Variants in KANK4 observed in about 807,000 individuals in gnomAD.
The protein encoded by KANK4 is KN motif and ankyrin repeat domain-containing protein 4.
A neutral mutation model predicts 80.8 loss-of-function variants in KANK4; 50 were observed. The ratio of observed to expected loss-of-function variants is 0.62; its 90% CI spans 0.49 to 0.78. KANK4 has a LOEUF of 0.78. KANK4 is among the 30% of genes least tolerant of loss of function. KANK4 has a pLI of 0.00. For synonymous variants in KANK4, 465 were observed against 506.9 expected, an observed-to-expected ratio of 0.92 and a Z score of 1.11; for missense variants, 1,196 against 1,240.1, an observed-to-expected ratio of 0.96 and a Z score of 0.53.
chr1:62,249,036 T>A, intron 8 of KANK4, among the ~76,000 whole-genome samples: 1 of 147,770 alleles, frequency 6.8e-6, no homozygotes, highest in South Asian at 2.2e-4. Context: ...TAGCTAGGTA[T>A]GGTGGCGGGC....
At position 62,281,573 on chromosome 1, in the gene KANK4, C is replaced by T. The variant is rs763507735; in HGVS notation, c.-9G>A. ...CCATCTGTCTTCTCCATCTTTGGAG[C>T]GCTGACCCTCAGTGTCTCAGGCACT... On this transcript the variant is annotated 5_prime_UTR_variant, in exon 2 of 10. Transcript: ENST00000371153. 5 of 1,614,154 alleles carry T rather than the reference C, an allele frequency of 3.1e-6. No homozygotes were observed. Among genetic ancestry groups the T allele is most frequent in the East Asian group, 2.2e-5 (1 of 44,882 alleles).
At chr1:62,252,062 GT>G (rs1242929293) in intron 8 of KANK4, among the ~76,000 whole-genome samples, 5 of 152,034 alleles carry the variant, frequency 3.3e-5, no homozygotes, top group Non-Finnish European at 7.4e-5. Flanking sequence ...GGTGTCTAGA[GT>G]AACAAATGGG....
chr1:62,291,497 A>G (rs1672677851), intron 1 of KANK4, among the ~76,000 whole-genome samples: 2 of 152,238 alleles, frequency 1.3e-5, no homozygotes, highest in African/African-American at 4.8e-5. Context: ...GCTGGAGTGC[A>G]GTGGCACAAT....
chr1:62,245,815 G>T (rs562295706), intron 9 of KANK4, among the ~76,000 whole-genome samples: 26 of 152,124 alleles, frequency 1.7e-4, no homozygotes, highest in Non-Finnish European at 2.4e-4. Context: ...CAGGAACAAG[G>T]TCACTTACTG....
At chr1:62,246,580 G>T (rs770125801) in intron 9 of KANK4, among the ~76,000 whole-genome samples, 3 of 152,054 alleles carry the variant, frequency 2.0e-5, no homozygotes, top group Non-Finnish European at 4.4e-5. Flanking sequence ...CATTTACCAT[G>T]AATCATCTCA....
intron 7 of KANK4, among the ~76,000 whole-genome samples, chr1:62,261,837 A>C (rs1158077447): frequency 6.6e-6 from 1 of 152,150 alleles, no homozygotes. Flanking sequence ...TCTGCCTGGA[A>C]GACTGTCTGC....
intron 8 of KANK4, among the ~76,000 whole-genome samples, chr1:62,249,447 C>T (rs1199340578): frequency 2.0e-5 from 3 of 150,520 alleles, no homozygotes; most frequent in South Asian, 2.1e-4. Flanking sequence ...GGCATGATCG[C>T]GACTCACTGC....
At chr1:62,287,537 A>G (rs1298205613) in intron 1 of KANK4, among the ~76,000 whole-genome samples, 1 of 152,182 alleles carries the variant, frequency 6.6e-6, no homozygotes, top group Admixed American at 6.5e-5. Context: ...CTTGCAAAGC[A>G]CTTTCCGTCC....
intron 2 of KANK4, among the ~76,000 whole-genome samples, chr1:62,278,486 A>G (rs1250830574): frequency 6.7e-6 from 1 of 149,764 alleles, no homozygotes; most frequent in Admixed American, 6.7e-5. Flanking sequence ...TCCGCCTCCC[A>G]GGTTCAAGTG....
intron 2 of KANK4, among the ~76,000 whole-genome samples, chr1:62,276,467 C>G (rs1391180791): frequency 6.6e-6 from 1 of 152,016 alleles, no homozygotes; most frequent in Non-Finnish European, 1.5e-5. Context: ...GGAATAATAA[C>G]AGGTAAAATA....
At chr1:62,308,643 C>A (rs1460820633) in intron 1 of KANK4, among the ~76,000 whole-genome samples, 1 of 152,182 alleles carries the variant, frequency 6.6e-6, no homozygotes, top group African/African-American at 2.4e-5. Flanking sequence ...CAACACTCAT[C>A]CCAAGATCAG....
chr1:62,252,174 AG>A (rs1671638688), intron 8 of KANK4, among the ~76,000 whole-genome samples: 1 of 152,148 alleles, frequency 6.6e-6, no homozygotes, highest in African/African-American at 2.4e-5. Context: ...CAAAATAATA[AG>A]GGGTAGACCT....
chr1:62,275,905 GA>G (rs1252391868), intron 2 of KANK4, among the ~76,000 whole-genome samples: 1 of 147,190 alleles, frequency 6.8e-6, no homozygotes, highest in Admixed American at 6.9e-5. Context: ...AGGGGAAGGG[GA>G]AGGGGAAGGG....
chr1:62,278,393 CTTTCT>C (rs1672371206), intron 2 of KANK4, among the ~76,000 whole-genome samples: 3 of 18,578 alleles, frequency 1.6e-4, no homozygotes, highest in East Asian at 3.8e-3. Flanking sequence ...TTCTTTCTTT[CTTTCT>C]TTTTTTTTTT....
intron 9 of KANK4, among the ~76,000 whole-genome samples, chr1:62,243,191 C>T (rs150913189): frequency 3.3e-5 from 5 of 152,270 alleles, no homozygotes; most frequent in East Asian, 1.9e-4. Context: ...ACAGCCTACC[C>T]GAACTCCAGC....
At chr1:62,278,936 C>G (rs1672385668) in intron 2 of KANK4, among the ~76,000 whole-genome samples, 1 of 152,104 alleles carries the variant, frequency 6.6e-6, no homozygotes, top group African/African-American at 2.4e-5. Context: ...GATTTATGAC[C>G]TAGAAGGCAA....
At chr1:62,244,181 C>A (rs2149115644) in intron 9 of KANK4, among the ~76,000 whole-genome samples, 1 of 151,684 alleles carries the variant, frequency 6.6e-6, no homozygotes, top group African/African-American at 2.4e-5. Flanking sequence ...GATTCAAACT[C>A]ATGAGTGTTT....
chr1:62,264,357 T>C (rs1411490123), intron 6 of KANK4, among the ~76,000 whole-genome samples: 1 of 152,004 alleles, frequency 6.6e-6, no homozygotes, highest in Non-Finnish European at 1.5e-5. Context: ...GTGGAGGTTG[T>C]GTGTGAGTGC....
intron 1 of KANK4, among the ~76,000 whole-genome samples, chr1:62,316,066 C>G (rs1381684697): frequency 6.6e-6 from 1 of 152,220 alleles, no homozygotes; most frequent in South Asian, 2.1e-4. Flanking sequence ...GCAAGAACCC[C>G]GTTCTCTCCT....
Sources: gnomAD v4.1 joint callset for allele counts (sites outside exome capture counted in the v4.1 genomes callset) on GRCh38, gnomAD v4.1.1 for gene constraint, MANE v1.5 for transcripts, NCBI Gene and HGNC (gene_info 2026-07-23, HGNC 2026-07-21) for gene names.